Variants in RPH3AL observed in about 807,000 individuals in gnomAD.
RPH3AL encodes rabphilin 3A like (without C2 domains).
Under a neutral mutation model 43.1 loss-of-function variants are expected in RPH3AL, and 38 were observed. The observed-to-expected ratio is 0.88, with a 90% confidence interval of 0.68 to 1.15. The LOEUF (loss-of-function observed/expected upper bound fraction) is 1.15. RPH3AL is among the 50% of genes most tolerant of loss of function. RPH3AL has a pLI of 0.00. For missense variants in RPH3AL, 462 were observed against 423.2 expected (o/e 1.09, Z -0.81); for synonymous variants, 189 against 176.3 (o/e 1.07, Z -0.57).
At chr17:273,296 G>A (rs75710834) in intron 6 of RPH3AL, among the ~76,000 whole-genome samples, 2 of 49,558 alleles carry the variant, frequency 4.0e-5, no homozygotes, top group Admixed American at 2.4e-4. Flanking sequence ...CGAGGGTGAC[G>A]TCAGGGAGAG....
At chr17:329,023 G>T (rs2044683610) in intron 2 of RPH3AL, among the ~76,000 whole-genome samples, 1 of 152,058 alleles carries the variant, frequency 6.6e-6, no homozygotes, top group Non-Finnish European at 1.5e-5. Flanking sequence ...TTCTTTTTGG[G>T]GTCGTAAAAA....
chr17:223,830 G>T (rs2151505628), intron 7 of RPH3AL, among the ~76,000 whole-genome samples: 1 of 152,300 alleles, frequency 6.6e-6, no homozygotes, highest in Non-Finnish European at 1.5e-5. Context: ...GGAGCTGGCT[G>T]CCGTGAAGAC....
At chr17:217,284 GA>G in intron 8 of RPH3AL, among the ~76,000 whole-genome samples, 1 of 126,244 alleles carries the variant, frequency 7.9e-6, no homozygotes, top group Non-Finnish European at 1.7e-5. Context: ...TGGCCTCGCT[GA>G]AATCAGGACC....
chr17:256,324 C>G (rs1317936648), intron 6 of RPH3AL, among the ~76,000 whole-genome samples: 13 of 17,730 alleles, frequency 7.3e-4, no homozygotes, highest in Non-Finnish European at 9.5e-4. Flanking sequence ...AGGGGAGCCG[C>G]ACGGCGTCTG....
Position 213,921 on chromosome 17 carries a change from TACC to T in RPH3AL, c.877-1_878del. Reference sequence around the variant, plus strand: ...CGGGGGCTCGTCCAGGTGTGTCTTTTACCTTTGGATGAGAGAAAAGGCCACCAC... The same window carrying T: ...CGGGGGCTCGTCCAGGTGTGTCTTTTTTTGGATGAGAGAAAAGGCCACCAC... On this transcript the variant is annotated splice_acceptor_variant and coding_sequence_variant, in exon 10 of 10. Transcript: ENST00000331302. LOFTEE classifies it high-confidence loss of function. 2 of 1,612,676 alleles carry T rather than the reference TACC, an allele frequency of 1.2e-6. No homozygotes were observed. Among genetic ancestry groups the T allele is most frequent in the Non-Finnish European group, 1.7e-6 (2 of 1,179,382 alleles).
rs918943460 is a variant in RPH3AL at position 335,492 on chromosome 17, G to A, written c.-212-1558C>T. Reference sequence around the variant, plus strand: ...CGGCCCGGCCAAGAGTGGCAGAACCGCCCGGCCGGCCCGTAGACTGAGGAG... The same window carrying A: ...CGGCCCGGCCAAGAGTGGCAGAACCACCCGGCCGGCCCGTAGACTGAGGAG... On this transcript the variant is annotated intron_variant, in intron 1 of 9. Transcript: ENST00000331302. Among the ~76,000 whole-genome samples, 36 of 152,092 alleles carry A rather than the reference G, an allele frequency of 2.4e-4. 1 individual carries two copies. Among genetic ancestry groups the A allele is most frequent in the African/African-American group, 3.6e-4 (15 of 41,424 alleles).
chr17:227,484 G>A (rs1355053172), intron 7 of RPH3AL, among the ~76,000 whole-genome samples: 1 of 152,228 alleles, frequency 6.6e-6, no homozygotes, highest in East Asian at 1.9e-4. Flanking sequence ...GGGATGTGGG[G>A]GCCCTGCTTC....
intron 6 of RPH3AL, chr17:247,544 G>A: frequency 8.8e-6 from 4 of 452,180 alleles, no homozygotes; most frequent in Non-Finnish European, 1.6e-5. Flanking sequence ...GGAGTGCAGT[G>A]GTGCAGTCAT....
chr17:253,348 G>A (rs543919311), intron 6 of RPH3AL, among the ~76,000 whole-genome samples: 42 of 152,220 alleles, frequency 2.8e-4, no homozygotes, highest in African/African-American at 8.4e-4. Flanking sequence ...GTCTTCAGGG[G>A]AAGAGACTAA....
rs549620494 is a variant in RPH3AL at position 230,946 on chromosome 17, G to A, written c.614-11210C>T. Among the ~76,000 whole-genome samples the A allele has an allele frequency of 1.6e-4, 24 of 152,240 alleles. No homozygotes were observed. In the South Asian group the frequency reaches 2.5e-3, roughly 16 times the overall value. ...AGGGATCCACCCGCCTTGGCCTCCCGAAGTGCTGGGATCACAGGCGTGAGC... is the reference window on the plus strand; with the variant it reads ...AGGGATCCACCCGCCTTGGCCTCCCAAAGTGCTGGGATCACAGGCGTGAGC... On this transcript the variant is annotated intron_variant, in intron 7 of 9. Transcript: ENST00000331302.
intron 5 of RPH3AL, among the ~76,000 whole-genome samples, chr17:301,957 A>G (rs1297914401): frequency 1.3e-5 from 2 of 152,192 alleles, no homozygotes; most frequent in Non-Finnish European, 2.9e-5. Context: ...CATCATGGAA[A>G]TGTCAGGCAC....
intron 7 of RPH3AL, among the ~76,000 whole-genome samples, chr17:244,445 G>A (rs144572318): frequency 0.017 from 2,532 of 152,036 alleles, 34 homozygotes; most frequent in Middle Eastern, 0.034. Context: ...AATGGGGGGG[G>A]AGAGGGAGAG....
chr17:326,719 T>C (rs746711469), intron 3 of RPH3AL, among the ~76,000 whole-genome samples: 1 of 152,152 alleles, frequency 6.6e-6, no homozygotes, highest in Non-Finnish European at 1.5e-5. Flanking sequence ...CCGTCTCTAC[T>C]AAAAATACAA....
At chr17:235,537 A>G (rs1264209344) in intron 7 of RPH3AL, among the ~76,000 whole-genome samples, 20 of 144,940 alleles carry the variant, frequency 1.4e-4, no homozygotes, top group African/African-American at 4.5e-4. Context: ...GCTCCACACT[A>G]ACAAGACGGG....
chr17:228,857 G>T (rs752159296), intron 7 of RPH3AL, among the ~76,000 whole-genome samples: 3 of 152,086 alleles, frequency 2.0e-5, no homozygotes, highest in Admixed American at 6.6e-5. Context: ...TTTTTCTGTC[G>T]CAGCAGAGGC....
Position 303,467 on chromosome 17 carries a change from G to A in RPH3AL, c.351+15953C>T, listed in dbSNP as rs146233502. 7.2e-4 allele frequency among the ~76,000 whole-genome samples: 108 copies of A among 151,018 alleles called. 3 individuals are homozygous for A. The East Asian group carries it at 0.016, about 23-fold the overall frequency. ...GATCACCCAGCAGTTATAAGAAAGA[G>A]GTTGGGGGGCAGGGAGGAAGGCTGT... On this transcript the variant is annotated intron_variant, in intron 5 of 9. Transcript: ENST00000331302.
intron 5 of RPH3AL, among the ~76,000 whole-genome samples, chr17:313,939 A>G (rs1192535266): frequency 6.6e-6 from 1 of 152,112 alleles, no homozygotes; most frequent in Non-Finnish European, 1.5e-5. Flanking sequence ...CAGAAGCTCA[A>G]AGATTCCCCG....
chr17:281,483 G>A (rs760589049), intron 6 of RPH3AL, among the ~76,000 whole-genome samples: 9 of 151,942 alleles, frequency 5.9e-5, no homozygotes, highest in Non-Finnish European at 1.0e-4. Flanking sequence ...CTCACAGTGC[G>A]AGGGGCTTCC....
chr17:321,192 A>C, intron 4 of RPH3AL, 80 bp downstream of exon 4: 1 of 1,505,030 alleles, frequency 6.6e-7, no homozygotes, highest in South Asian at 1.2e-5. Flanking sequence ...CAGGACCCGG[A>C]GTGCCGGCCT....
Sources: allele counts gnomAD v4.1 joint callset (sites outside exome capture counted in the v4.1 genomes callset), GRCh38; gene constraint gnomAD v4.1.1; transcripts MANE v1.5; gene names NCBI Gene and HGNC (gene_info 2026-07-23, HGNC 2026-07-21).